The following SOD2 variants were observed in gnomAD, a reference collection of about 807,000 sequenced individuals.
SOD2 encodes the protein superoxide dismutase [Mn], mitochondrial.
In SOD2, 11 loss-of-function variants were observed where a neutral mutation model predicts 27.0. That is an observed-to-expected ratio of 0.41 (90% CI 0.26 to 0.67). SOD2 has a LOEUF of 0.67. Among genes scored for constraint, SOD2 ranks in the 30% least tolerant of loss-of-function variants. The pLI, the probability that SOD2 is intolerant of heterozygous loss-of-function variation, is 0.34. For synonymous variants in SOD2, 105 were observed against 103.0 expected (o/e 1.02, Z -0.12); for missense variants, 250 against 274.5 (o/e 0.91, Z 0.63).
intron 1 of SOD2, among the ~76,000 whole-genome samples, chr6:159,708,609 G>A (rs577417343): frequency 5.7e-4 from 87 of 152,278 alleles, no homozygotes; most frequent in African/African-American, 1.9e-3. Flanking sequence ...ACTGCTCAAC[G>A]AAATAAAAGA....
intron 1 of SOD2, among the ~76,000 whole-genome samples, chr6:159,709,882 G>C (rs1777698219): frequency 6.6e-6 from 1 of 152,076 alleles, no homozygotes; most frequent in African/African-American, 2.4e-5. Flanking sequence ...GTCCAACAAT[G>C]ATAGACTGGA....
chr6:159,689,124 G>A lies in SOD2; in HGVS notation c.227-882C>T, dbSNP rs146198014. On this transcript the variant is annotated intron_variant, in intron 2 of 4. Coordinates refer to ENST00000538183, the MANE Select transcript of SOD2 (RefSeq NM_000636.4). The stretch of plus-strand genomic sequence containing the variant: ...ACCAAGAGGCGCTGCACTTGACCCC[G>A]TCATTGAGCACGTGCTCACGCAGCT... Among the ~76,000 whole-genome samples the A allele has an allele frequency of 3.2e-4, 48 of 152,260 alleles. 1 individual carries two copies. The East Asian group carries it at 8.9e-3, about 28-fold the overall frequency.
At chr6:159,730,903 G>T (rs1256906789), upstream of SOD2, 1 of 151,894 alleles carries the variant, frequency 6.6e-6, no homozygotes, top group Non-Finnish European at 1.5e-5. Flanking sequence ...TTTTTAAAAA[G>T]AACATAAGCC....
chr6:159,691,691 C>T (rs1036764569), intron 2 of SOD2: 3 of 151,080 alleles, frequency 2.0e-5, no homozygotes, highest in Non-Finnish European at 2.9e-5. Context: ...CTCAAAAAGT[C>T]CACATACCCC....
chr6:159,735,578 G>C (rs1439726035), intron 1 of SOD2, among the ~76,000 whole-genome samples: 1 of 152,034 alleles, frequency 6.6e-6, no homozygotes, highest in East Asian at 1.9e-4. Flanking sequence ...GTGAAACCCC[G>C]TCTCTACTAA....
At chr6:159,692,424 T>C in intron 2 of SOD2, 1 of 1,404,590 alleles carries the variant, frequency 7.1e-7, no homozygotes, top group Non-Finnish European at 9.3e-7. Context: ...GGCAAGCTCC[T>C]TCGCAGGACC....
At chr6:159,727,071 C>T in intron 1 of SOD2, 3 of 1,207,432 alleles carry the variant, frequency 2.5e-6, no homozygotes, top group Non-Finnish European at 3.2e-6. Context: ...TCCCGTGATG[C>T]CCTGGGGCTG....
upstream of SOD2, chr6:159,749,358 C>A: frequency 1.0e-6 from 1 of 984,704 alleles, no homozygotes; most frequent in Non-Finnish European, 1.2e-6. Context: ...GGAATGTGTT[C>A]CTTCATTGTA....
At chr6:159,761,713 C>A in exon 1 of SOD2, 1 of 369,288 alleles carries the variant, frequency 2.7e-6, no homozygotes, top group Non-Finnish European at 5.4e-6. Context: ...AAAAAAAAGC[C>A]CAAGACGTCA....
At chr6:159,716,892 C>T (rs552130352) in intron 1 of SOD2, among the ~76,000 whole-genome samples, 46 of 152,222 alleles carry the variant, frequency 3.0e-4, no homozygotes, top group African/African-American at 9.9e-4. Context: ...ATGACTCAAA[C>T]ACAATTTAGA....
chr6:159,711,199 T>C (rs866585580), intron 1 of SOD2, among the ~76,000 whole-genome samples: 4 of 69,978 alleles, frequency 5.7e-5, no homozygotes, highest in East Asian at 4.4e-4. Flanking sequence ...CAACCACCAC[T>C]CACATTGCTC....
chr6:159,735,832 C>G (rs1198478179), intron 1 of SOD2, among the ~76,000 whole-genome samples: 1 of 152,064 alleles, frequency 6.6e-6, no homozygotes, highest in Non-Finnish European at 1.5e-5. Flanking sequence ...TACTACCTTA[C>G]TTTAACAACA....
rs959273871 is a variant in SOD2, at chr6:159,678,514, G to A, written c.*3979C>T. 6.6e-6 allele frequency: 1 copy of A among 152,118 alleles called. No individual in the cohort carries two copies. Among genetic ancestry groups the A allele is most frequent in the Non-Finnish European group, 1.5e-5 (1 of 68,036 alleles). 9.4% of individuals were successfully genotyped at this position (152,118 alleles called of 1,614,324 possible). A position where few individuals can be genotyped will look rare whatever the true frequency, so the allele number is the denominator to read the frequency against. On this transcript the variant is annotated 3_prime_UTR_variant, in exon 5 of 5. Coordinates refer to ENST00000538183, the MANE Select transcript of SOD2 (RefSeq NM_000636.4). The stretch of plus-strand genomic sequence containing the variant: ...CGCACTCCAGCCTGGGTGACACAGT[G>A]AGACTCCATCTCTAAATAAAAAAAT...
At chr6:159,750,908 G>A (rs1371494842) in intron 1 of SOD2, among the ~76,000 whole-genome samples, 1 of 152,236 alleles carries the variant, frequency 6.6e-6, no homozygotes, top group South Asian at 2.1e-4. Flanking sequence ...GCGCACGCAC[G>A]TGTGTGTCTT....
upstream of SOD2, among the ~76,000 whole-genome samples, chr6:159,696,395 C>G (rs890565284): frequency 6.6e-6 from 1 of 152,158 alleles, no homozygotes; most frequent in African/African-American, 2.4e-5. Flanking sequence ...TCTCGGCTCA[C>G]TGCAACCTCC....
Position 159,680,270 on chromosome 6 carries a change from T to C in SOD2, c.*2223A>G, listed in dbSNP as rs1779889362. 1 of 152,192 alleles carries C rather than the reference T, an allele frequency of 6.6e-6. No individual in the cohort carries two copies. The highest frequency in any genetic ancestry group is 1.5e-5 in the Non-Finnish European group (1 of 68,032). The allele number at this position is 152,192 out of a possible 1,614,324, so 9.4% of individuals were successfully genotyped here. A position where few individuals can be genotyped will look rare whatever the true frequency, so the allele number is the denominator to read the frequency against. On this transcript the variant is annotated 3_prime_UTR_variant, in exon 5 of 5. Transcript: ENST00000538183. ...AAAGGTTCCACCTTGCCCGTCTATT[T>C]AAACAGTCACGACCTTCCTTAGAGA...
In SOD2 at chr6:159,679,390, T is replaced by C. The variant is rs532365372; in HGVS notation, c.*3103A>G. ...CCTGGAATTAAAACAGGAAATACAA[T>C]TTATGTTTATACGTGGTTTTAGATA... On this transcript the variant is annotated 3_prime_UTR_variant, in exon 5 of 5. Coordinates refer to ENST00000538183, the MANE Select transcript of SOD2 (RefSeq NM_000636.4). 1 of 152,346 alleles carries C rather than the reference T, an allele frequency of 6.6e-6. No individual in the cohort carries two copies. Among genetic ancestry groups the C allele is most frequent in the East Asian group, 1.9e-4 (1 of 5,190 alleles). The allele number at this position is 152,346 out of a possible 1,614,324, so 9.4% of individuals were successfully genotyped here.
upstream of SOD2, among the ~76,000 whole-genome samples, chr6:159,694,602 T>G (rs1446913962): frequency 6.6e-6 from 1 of 152,034 alleles, no homozygotes; most frequent in East Asian, 1.9e-4. Context: ...AATTTATTAT[T>G]TATTTATTTT....
intron 1 of SOD2, among the ~76,000 whole-genome samples, chr6:159,719,211 C>T (rs529004246): frequency 1.3e-5 from 2 of 152,008 alleles, no homozygotes; most frequent in Non-Finnish European, 2.9e-5. Flanking sequence ...GCTCTCTTTT[C>T]CTGTTTTCAC....
Sources: gnomAD v4.1 joint callset for allele counts (sites outside exome capture counted in the v4.1 genomes callset) on GRCh38, gnomAD v4.1.1 for gene constraint, MANE v1.5 for transcripts, NCBI Gene and HGNC (gene_info 2026-07-23, HGNC 2026-07-21) for gene names.